Variants in CELSR3 observed in about 807,000 individuals in gnomAD.
The protein encoded by CELSR3 is cadherin EGF LAG seven-pass G-type receptor 3, also known as EGF-like protein 1.
A neutral mutation model predicts 270.0 loss-of-function variants in CELSR3; 73 were observed. The ratio of observed to expected loss-of-function variants is 0.27; its 90% CI spans 0.22 to 0.33. CELSR3 has a LOEUF of 0.33. CELSR3 is among the 10% of genes least tolerant of loss of function. The pLI is 1.00. For missense variants in CELSR3, 3,614 were observed against 4,533.8 expected (o/e 0.80, Z 5.83); for synonymous variants, 1,780 against 1,905.4 (o/e 0.93, Z 1.71).
Position 48,657,008 on chromosome 3 carries a change from C to T in CELSR3, c.4089G>A (p.Leu1363=). The T allele has an allele frequency of 1.2e-6, 2 of 1,613,260 alleles. No homozygotes were observed. Among genetic ancestry groups the T allele is most frequent in the Non-Finnish European group, 1.7e-6 (2 of 1,179,676 alleles). ...GTACGTCGAGCAGGGAGCGAGCCGC[C>T]AGCGCCGCCCGGCGCACGTACAACT... The part of the protein sequence containing the change: ...QEQLYVRRAA[L]AARSLLDVLP... The change falls in exon 2 of 35, where the codon CTG becomes CTA. Residue 1363 remains leucine, a synonymous_variant. Transcript: ENST00000164024. This position sits in a 1 kb window ranked among gnomAD's most constrained non-coding sequence, Gnocchi z 5.4.
Position 48,650,266 on chromosome 3 carries a change from A to C in CELSR3, c.6472+214T>G. The C allele has an allele frequency of 1.5e-6, 1 of 654,088 alleles. No homozygotes were observed. The highest frequency in any genetic ancestry group is 2.8e-6 in the Non-Finnish European group (1 of 354,552). 40.5% of individuals were successfully genotyped at this position (654,088 alleles called of 1,614,324 possible). Reference sequence around the variant, plus strand: ...GGGCAGTGCACCTGAGCAAACACGTACCCCTTACCTGCACCCCGCAATCCT... The same window carrying C: ...GGGCAGTGCACCTGAGCAAACACGTCCCCCTTACCTGCACCCCGCAATCCT... On this transcript the variant is annotated intron_variant, in intron 16 of 34. Transcript: ENST00000164024. The surrounding 1 kb of genome is among the most constrained non-coding windows in gnomAD (Gnocchi z 5.1).
At position 48,656,827 on chromosome 3, in the gene CELSR3, G is replaced by A; in HGVS notation, c.4270C>T (p.Pro1424Ser). 1.2e-6 allele frequency: 2 copies of A among 1,607,756 alleles called. No homozygotes were observed. Among genetic ancestry groups the A allele is most frequent in the Non-Finnish European group, 1.7e-6 (2 of 1,176,930 alleles). The change falls in exon 2 of 35, where the codon CCG (proline) becomes TCG (serine). Residue 1424 changes from proline (P) to serine (S), a missense_variant. Transcript: ENST00000164024. ...QPIAGLRCRC[P>S]PGFTGDFCET... ...CAAAAGTCTCCCGTGAATCCGGGCG[G>A]GCAGCGGCAGCGCAGGCCAGCGATG...
At position 48,638,163 on chromosome 3, in the gene CELSR3, C is replaced by T; in HGVS notation, c.*42G>A. 1.3e-6 allele frequency: 2 copies of T among 1,591,476 alleles called. No homozygotes were observed. The highest frequency in any genetic ancestry group is 2.2e-5 in the East Asian group (1 of 44,772). ...GGAGTCTCTCCTGTTAGCCTAGATC[C>T]TCTGTCGCCCTCAGCTGTTCCTCGT... On this transcript the variant is annotated 3_prime_UTR_variant, in exon 35 of 35. Coordinates refer to ENST00000164024, the MANE Select transcript of CELSR3 (RefSeq NM_001407.3).
rs2047052139 is a variant in CELSR3 at position 48,643,780 on chromosome 3, A to G, written c.8166-103T>C. 4 of 1,377,824 alleles carry G rather than the reference A, an allele frequency of 2.9e-6. No homozygotes were observed. In the South Asian group the frequency reaches 4.3e-5, roughly 15 times the overall value. The allele number at this position is 1,377,824 out of a possible 1,614,324, so 85.3% of individuals were successfully genotyped here. On this transcript the variant is annotated intron_variant, in intron 27 of 34. Coordinates refer to ENST00000164024, the MANE Select transcript of CELSR3 (RefSeq NM_001407.3). ...CACAGGGGCCACACACGAAACGTGA[A>G]AAAAAGGAACTCACACGGGAACATG...
Position 48,646,756 on chromosome 3 carries a change from T to C in CELSR3, c.7295+7A>G, listed in dbSNP as rs777050131. 1.2e-6 allele frequency: 2 copies of C among 1,607,074 alleles called. No individual in the cohort carries two copies. Among genetic ancestry groups the C allele is most frequent in the South Asian group, 1.1e-5 (1 of 90,554 alleles). On this transcript the variant is annotated splice_region_variant and intron_variant, in intron 21 of 34. Coordinates refer to ENST00000164024, the MANE Select transcript of CELSR3 (RefSeq NM_001407.3). The surrounding 1 kb of genome is among the most constrained non-coding windows in gnomAD (Gnocchi z 4.8). ...GTAGGAAGCTCAGGGGTGAGGGGCC[T>C]GAGTACCTGGCACCTCGGCGTTCTG...
At chr3:48,643,871 G>T in intron 27 of CELSR3, 194 bp from the exon 28 acceptor site, 1 of 652,988 alleles carries the variant, frequency 1.5e-6, no homozygotes, top group Non-Finnish European at 2.6e-6. Flanking sequence ...CAGTCAAAGA[G>T]CCATGAGGAC....
chr3:48,643,669 C>G lies in CELSR3; in HGVS notation c.8174G>C (p.Arg2725Pro). The G allele has an allele frequency of 6.4e-7, 1 of 1,552,280 alleles. No homozygotes were observed. ...CAGCAGAAGCAGCAGGAAGGAGCTG[C>G]GAAGGGTCCTGCTGTGGGGACATGG... The part of the protein sequence containing the change: ...EAKKTSALTL[R>P]SSFLLLLLVS... Residue 2725 changes from arginine to proline, a missense_variant, in exon 28 of 35, where the codon CGC becomes CCC. By Grantham distance (103) the Arg-to-Pro change is moderately radical. Around this residue, in one of 7 missense-constraint regions of CELSR3, gnomAD observed 1,240 missense variants for 1,351.7 expected, o/e 0.92. Coordinates refer to ENST00000164024, the MANE Select transcript of CELSR3 (RefSeq NM_001407.3).
chr3:48,640,684 C>A lies in CELSR3; in HGVS notation c.9026-125G>T, dbSNP rs1215587018. 9.0e-7 allele frequency: 1 copy of A among 1,112,850 alleles called. No homozygotes were observed. Among genetic ancestry groups the A allele is most frequent in the African/African-American group, 1.6e-5 (1 of 63,266 alleles). 68.9% of individuals were successfully genotyped at this position (1,112,850 alleles called of 1,614,324 possible). On this transcript the variant is annotated intron_variant, in intron 33 of 34. Transcript: ENST00000164024. The surrounding 1 kb of genome is among the most constrained non-coding windows in gnomAD (Gnocchi z 7.5). ...AACACAGGGATGGGAGCAGGAACCCCTTGGGGAGCAGCAGAGGCAACCCTG... is the reference window on the plus strand; with the variant it reads ...AACACAGGGATGGGAGCAGGAACCCATTGGGGAGCAGCAGAGGCAACCCTG...
Position 48,644,791 on chromosome 3 carries a change from G to T in CELSR3, c.8010C>A (p.Asn2670Lys), listed in dbSNP as rs200375013. Residue 2670 changes from asparagine to lysine, a missense_variant, in exon 26 of 35, where the codon AAC becomes AAA. This residue lies in a region of CELSR3 where 1,240 missense variants were observed against 1,351.7 expected (regional missense o/e 0.92). Transcript: ENST00000164024. This position sits in a 1 kb window ranked among gnomAD's most constrained non-coding sequence, Gnocchi z 4.8. ...GGACTGAGATCCAGCAGAAGTCAGG[G>T]TTCCCATAGCCCTCAGGGTCCAGGC... ...AVGLDPEGYGNPDFCWISVHE... is the reference protein window; with the variant it reads ...AVGLDPEGYGKPDFCWISVHE... The T allele has an allele frequency of 5.0e-6, 8 of 1,613,488 alleles. No homozygotes were observed. The East Asian group carries it at 1.8e-4, about 36-fold the overall frequency.
chr3:48,650,440 C>T lies in CELSR3; in HGVS notation c.6472+40G>A. ...CTCTAGCAGTCAGAGTACAGGCCCA[C>T]CCCCACCCTCAGTGATGTCCTTTCC... On this transcript the variant is annotated intron_variant, in intron 16 of 34. Coordinates refer to ENST00000164024, the MANE Select transcript of CELSR3 (RefSeq NM_001407.3). This position sits in a 1 kb window ranked among gnomAD's most constrained non-coding sequence, Gnocchi z 5.1. The T allele has an allele frequency of 4.9e-6, 3 of 613,588 alleles. No individual in the cohort carries two copies. Among genetic ancestry groups the T allele is most frequent in the East Asian group, 4.4e-5 (1 of 22,780 alleles). The allele number at this position is 613,588 out of a possible 1,614,324, so 38.0% of individuals were successfully genotyped here.
At position 48,642,095 on chromosome 3, in the gene CELSR3, C is replaced by T. The variant is rs113642286; in HGVS notation, c.8666-86G>A. 1.3e-3 allele frequency: 1,747 copies of T among 1,320,388 alleles called. 12 individuals carry two copies. The Middle Eastern group carries it at 0.029, about 22-fold the overall frequency. The allele number at this position is 1,320,388 out of a possible 1,614,324, so 81.8% of individuals were successfully genotyped here. On this transcript the variant is annotated intron_variant, in intron 31 of 34. Coordinates refer to ENST00000164024, the MANE Select transcript of CELSR3 (RefSeq NM_001407.3). The surrounding 1 kb of genome is among the most constrained non-coding windows in gnomAD (Gnocchi z 6.1). ...GGAGTTGAGGGTCTAGAGGTGGGTA[C>T]GGCAAGGGGGTTAGGGTTGGGGACA... is the stretch of plus-strand genomic sequence containing the variant.
Position 48,655,598 on chromosome 3 carries a change from G to A in CELSR3, c.4741+138C>T. ...GGGAGGGACCTTCCCACAGGGAATG[G>A]CCAAGGAGCTAGGTCTTCAGGGCTT... On this transcript the variant is annotated intron_variant, in intron 4 of 34. Transcript: ENST00000164024. The surrounding 1 kb of genome is among the most constrained non-coding windows in gnomAD (Gnocchi z 5.8). 3.3e-6 allele frequency: 3 copies of A among 896,104 alleles called. No homozygotes were observed. Among genetic ancestry groups the A allele is most frequent in the South Asian group, 1.5e-5 (1 of 67,664 alleles). 55.5% of individuals were successfully genotyped at this position (896,104 alleles called of 1,614,324 possible).
In CELSR3 at chr3:48,650,642, C is replaced by T. The variant is rs2047128808; in HGVS notation, c.6371-61G>A. On this transcript the variant is annotated intron_variant, in intron 15 of 34. Transcript: ENST00000164024. The surrounding 1 kb of genome is among the most constrained non-coding windows in gnomAD (Gnocchi z 5.1). ...GGTACAGGGCAGTTGACAGCCACAC[C>T]CACTGCCCCTCCACCACCCCCCACA... 1.5e-6 allele frequency: 2 copies of T among 1,367,754 alleles called. No individual in the cohort carries two copies. Among genetic ancestry groups the T allele is most frequent in the Non-Finnish European group, 2.0e-6 (2 of 996,548 alleles). 84.7% of individuals were successfully genotyped at this position (1,367,754 alleles called of 1,614,324 possible). A position where few individuals can be genotyped will look rare whatever the true frequency, so the allele number is the denominator to read the frequency against.
At chr3:48,643,495 G>A in intron 28 of CELSR3, 59 bp downstream of exon 28, 1 of 1,529,008 alleles carries the variant, frequency 6.5e-7, no homozygotes, top group South Asian at 1.2e-5. Flanking sequence ...GCCTAGGGAT[G>A]GCCCCAGCCT....
chr3:48,648,342 C>T lies in CELSR3; in HGVS notation c.6897G>A (p.Glu2299=), dbSNP rs763465540. 1 of 1,612,284 alleles carries T rather than the reference C, an allele frequency of 6.2e-7. No individual in the cohort carries two copies. Among genetic ancestry groups the T allele is most frequent in the African/African-American group, 1.3e-5 (1 of 74,858 alleles). Reference sequence around the variant, plus strand: ...TCCTTGCGAGTGTGGCTGCATACTCCTCCAGGTGCCTCACCAGTCCCGCGC... The same window carrying T: ...TCCTTGCGAGTGTGGCTGCATACTCTTCCAGGTGCCTCACCAGTCCCGCGC... ...PGSAGLVRHL[E]EYAATLARNM... Residue 2299 remains glutamate (E), a synonymous_variant, in exon 19 of 35, where the codon GAG becomes GAA. Coordinates refer to ENST00000164024, the MANE Select transcript of CELSR3 (RefSeq NM_001407.3).
rs530962691 is a variant in CELSR3 at position 48,641,047 on chromosome 3, G to A, written c.9025+277C>T. The A allele has an allele frequency of 4.2e-6, 2 of 474,854 alleles. No individual in the cohort carries two copies. Among genetic ancestry groups the A allele is most frequent in the Non-Finnish European group, 7.5e-6 (2 of 267,224 alleles). The allele number at this position is 474,854 out of a possible 1,614,324, so 29.4% of individuals were successfully genotyped here. A position where few individuals can be genotyped will look rare whatever the true frequency, so the allele number is the denominator to read the frequency against. ...GGATCTGGGTGGGGGGCAGGGGGAA[G>A]CAGCTCCTAGGGTCTCTGAAAAACA... is the stretch of plus-strand genomic sequence containing the variant. On this transcript the variant is annotated intron_variant, in intron 33 of 34. Transcript: ENST00000164024. The surrounding 1 kb of genome is among the most constrained non-coding windows in gnomAD (Gnocchi z 4.8).
Position 48,651,059 on chromosome 3 carries a change from G to C in CELSR3, c.6203C>G (p.Pro2068Arg). 6.4e-7 allele frequency: 1 copy of C among 1,567,940 alleles called. No homozygotes were observed. ...QCHCKEFHYR[P>R]RGSDSCLPCD... ...TGGGAGGCAAGAGTCACTGCCCCGC[G>C]GTCGGTAGTGGAACTCCTGTTTGAG... Residue 2068 changes from proline to arginine, a missense_variant, in exon 15 of 35, where the codon CCG (proline) becomes CGG (arginine). By Grantham distance (103) the Pro-to-Arg change is moderately radical. Transcript: ENST00000164024. This position sits in a 1 kb window ranked among gnomAD's most constrained non-coding sequence, Gnocchi z 7.4.
Position 48,655,980 on chromosome 3 carries a change from C to T in CELSR3, c.4626-129G>A. ...AGCGACGAGGGACGGCGGGACCGACCGGGGGGACGCGGGTGCAGCGAGGTC... is the reference window on the plus strand; with the variant it reads ...AGCGACGAGGGACGGCGGGACCGACTGGGGGGACGCGGGTGCAGCGAGGTC... On this transcript the variant is annotated intron_variant, in intron 3 of 34. Transcript: ENST00000164024. The surrounding 1 kb of genome is among the most constrained non-coding windows in gnomAD (Gnocchi z 5.8). 1 of 1,103,772 alleles carries T rather than the reference C, an allele frequency of 9.1e-7. No individual in the cohort carries two copies. The highest frequency in any genetic ancestry group is 1.6e-5 in the African/African-American group (1 of 64,096). The allele number at this position is 1,103,772 out of a possible 1,614,324, so 68.4% of individuals were successfully genotyped here. A position where few individuals can be genotyped will look rare whatever the true frequency, so the allele number is the denominator to read the frequency against.
chr3:48,640,433 T>C lies in CELSR3; in HGVS notation c.9152A>G (p.Tyr3051Cys), dbSNP rs766083618. The C allele has an allele frequency of 3.1e-6, 5 of 1,612,562 alleles. No individual in the cohort carries two copies. The Admixed American group carries it at 5.0e-5, about 16-fold the overall frequency. ...AAGGCTGCCCGTGCCCCCGCCAGCATAGATGCGACCGTAAGAGGCAGCTGG... is the reference window on the plus strand; with the variant it reads ...AAGGCTGCCCGTGCCCCCGCCAGCACAGATGCGACCGTAAGAGGCAGCTGG... ...AVPAASYGRI[Y>C]AGGGTGSLSQ... Residue 3051 changes from tyrosine (Y) to cysteine (C), a missense_variant, in exon 34 of 35, where the codon TAT (tyrosine) becomes TGT (cysteine). By Grantham distance (194) the Tyr-to-Cys change is radical (BLOSUM62 -2). This residue lies in a region of CELSR3 where 1,240 missense variants were observed against 1,351.7 expected (regional missense o/e 0.92). Transcript: ENST00000164024. This position sits in a 1 kb window ranked among gnomAD's most constrained non-coding sequence, Gnocchi z 7.5.
Sources: allele counts gnomAD v4.1 joint callset, GRCh38; gene constraint gnomAD v4.1.1; regional missense constraint gnomAD v4.1.1; non-coding constraint Gnocchi (gnomAD v3.1); transcripts MANE v1.5; gene names NCBI Gene and HGNC (gene_info 2026-07-23, HGNC 2026-07-21).